Variants in PITPNM1 observed in about 807,000 individuals in gnomAD.
The protein encoded by PITPNM1 is phosphatidylinositol transfer protein membrane associated 1, also known as membrane-associated phosphatidylinositol transfer protein 1.
Under a neutral mutation model 133.3 loss-of-function variants are expected in PITPNM1, and 74 were observed. That is an observed-to-expected ratio of 0.56 (90% confidence interval 0.46 to 0.67). PITPNM1 has a LOEUF of 0.67. PITPNM1 is among the 30% of genes least tolerant of loss of function. The pLI is 0.00. For synonymous variants in PITPNM1, 738 were observed against 741.4 expected (o/e 1.00, Z 0.08); for missense variants, 1,398 against 1,739.5 (o/e 0.80, Z 3.49).
Position 67,502,596 on chromosome 11 carries a change from G to A in PITPNM1, c.201C>T (p.Ser67=), listed in dbSNP as rs1456922024. Residue 67 remains serine, a synonymous_variant, in exon 3 of 24, where the codon TCC becomes TCT. Coordinates refer to ENST00000356404, the MANE Select transcript of PITPNM1 (RefSeq NM_004910.3). This position sits in a 1 kb window ranked among gnomAD's most constrained non-coding sequence, Gnocchi z 5.9. ...QYTHKVYHVG[S]HIPGWFRALL... ...GTGCCCGGAACCAGCCTGGGATGTG[G>A]GAGCCCACGTGGTACACCTTGTGTG... 2.5e-6 allele frequency: 4 copies of A among 1,613,596 alleles called. No individual in the cohort carries two copies. Among genetic ancestry groups the A allele is most frequent in the Admixed American group, 1.7e-5 (1 of 60,032 alleles).
At chr11:67,500,073 C>T (rs1004619579) in intron 6 of PITPNM1, 22 bp downstream of exon 6, 2 of 1,601,000 alleles carry the variant, frequency 1.2e-6, no homozygotes, top group Non-Finnish European at 1.7e-6. Context: ...CCGTTCCTCC[C>T]ATCCCTGTGC....
rs1565196013 is a variant in PITPNM1 at position 67,502,000 on chromosome 11, C to T, written c.502G>A (p.Gly168Ser). ...CAGTCATCAGACAGTGGCCCTCGGC[C>T]CGTCTTGACCGAGTGATAAAGCCGG... Reference protein sequence around the residue: ...DPRLYHSVKTGRGPLSDDWAR... With the variant: ...DPRLYHSVKTSRGPLSDDWAR... The change falls in exon 5 of 24, where the codon GGC becomes AGC. Residue 168 changes from glycine (G) to serine (S), a missense_variant. Gly to Ser is a moderately conservative substitution (Grantham distance 56, BLOSUM62 0). Transcript: ENST00000356404. 4 of 1,613,472 alleles carry T rather than the reference C, an allele frequency of 2.5e-6. No homozygotes were observed. The highest frequency in any genetic ancestry group is 3.4e-6 in the Non-Finnish European group (4 of 1,180,014).
intron 12 of PITPNM1, 76 bp from the exon 13 acceptor site, chr11:67,497,755 G>C: frequency 1.9e-6 from 3 of 1,572,100 alleles, no homozygotes; most frequent in Non-Finnish European, 1.7e-6. Flanking sequence ...AGTGAGGAGC[G>C]AGGCTTGGGG....
chr11:67,498,512 G>T lies in PITPNM1; in HGVS notation c.1484+84C>A. On this transcript the variant is annotated intron_variant, in intron 10 of 23. Transcript: ENST00000356404. This position sits in a 1 kb window ranked among gnomAD's most constrained non-coding sequence, Gnocchi z 5.7. ...ATGCCAGTGACCGACCCAGGTGTCT[G>T]GCTTCCTGACCCCTTCCCCGCTCCC... 1.3e-6 allele frequency: 2 copies of T among 1,538,416 alleles called. No homozygotes were observed. Among genetic ancestry groups the T allele is most frequent in the South Asian group, 2.4e-5 (2 of 82,262 alleles).
chr11:67,499,869 C>A, intron 7 of PITPNM1, 39 bp from the exon 8 acceptor site: 1 of 1,592,254 alleles, frequency 6.3e-7, no homozygotes. Context: ...GTGGGAGGAG[C>A]TGCTCGGGGA....
chr11:67,502,789 G>A lies in PITPNM1; in HGVS notation c.79-71C>T. 1 of 1,492,014 alleles carries A rather than the reference G, an allele frequency of 6.7e-7. No individual in the cohort carries two copies. Among genetic ancestry groups the A allele is most frequent in the South Asian group, 1.1e-5 (1 of 87,480 alleles). 92.4% of individuals were successfully genotyped at this position (1,492,014 alleles called of 1,614,324 possible). ...GCATCTGGGATCCCCAGCTCAGCCT[G>A]GTGTTCTACACAGCTCTGGGGCCCT... On this transcript the variant is annotated intron_variant, in intron 2 of 23. Coordinates refer to ENST00000356404, the MANE Select transcript of PITPNM1 (RefSeq NM_004910.3). This position sits in a 1 kb window ranked among gnomAD's most constrained non-coding sequence, Gnocchi z 5.9.
rs771454063 is a variant in PITPNM1, at chr11:67,498,192, T to G, written c.1615A>C (p.Thr539Pro). The G allele has an allele frequency of 6.2e-7, 1 of 1,613,098 alleles. No individual in the cohort carries two copies. Reference sequence around the variant, plus strand: ...AGGAAGGCTGAGTAGGCCTGGTTGGTGCGGGCAATGACGGTGGCCACGGCG... The same window carrying G: ...AGGAAGGCTGAGTAGGCCTGGTTGGGGCGGGCAATGACGGTGGCCACGGCG... ...QGAVATVIAR[T>P]NQAYSAFLRS... Residue 539 changes from threonine to proline, a missense_variant, in exon 11 of 24, where the codon ACC becomes CCC. This residue lies in a region of PITPNM1 where 574 missense variants were observed against 698.7 expected (regional missense o/e 0.82). Coordinates refer to ENST00000356404, the MANE Select transcript of PITPNM1 (RefSeq NM_004910.3). This position sits in a 1 kb window ranked among gnomAD's most constrained non-coding sequence, Gnocchi z 5.7.
intron 23 of PITPNM1, among the ~76,000 whole-genome samples, 190 bp from the exon 24 acceptor site, chr11:67,492,486 T>C (rs948414484): frequency 5.3e-5 from 8 of 152,236 alleles, no homozygotes; most frequent in Admixed American, 4.6e-4. Flanking sequence ...TGCTCCTAGC[T>C]CTGCCCTTCT....
In PITPNM1 at chr11:67,492,384, G is replaced by C. The variant is rs924547867; in HGVS notation, c.3472-88C>G. ...CGGTCCTCCAGAGGCACCTGAGGCAGGCTGGGGGACTGGTGGCAGGCTTGG... is the reference window on the plus strand; with the variant it reads ...CGGTCCTCCAGAGGCACCTGAGGCACGCTGGGGGACTGGTGGCAGGCTTGG... On this transcript the variant is annotated intron_variant, in intron 23 of 23. Coordinates refer to ENST00000356404, the MANE Select transcript of PITPNM1 (RefSeq NM_004910.3). The C allele has an allele frequency of 1.1e-5, 15 of 1,344,728 alleles. No homozygotes were observed. The African/African-American group carries it at 1.9e-4, about 17-fold the overall frequency. 83.3% of individuals were successfully genotyped at this position (1,344,728 alleles called of 1,614,324 possible).
In PITPNM1 at chr11:67,499,116, C is replaced by T. The variant is rs908832648; in HGVS notation, c.1172-115G>A. 2.0e-5 allele frequency: 19 copies of T among 941,666 alleles called. No homozygotes were observed. In the African/African-American group the frequency reaches 2.6e-4, roughly 13 times the overall value. 58.3% of individuals were successfully genotyped at this position (941,666 alleles called of 1,614,324 possible). A position where few individuals can be genotyped will look rare whatever the true frequency, so the allele number is the denominator to read the frequency against. Reference sequence around the variant, plus strand: ...CCTGAGGCCCCCAGTCCCTACCTTCCTCCAAACTTCTCCTCCCACCAACTC... The same window carrying T: ...CCTGAGGCCCCCAGTCCCTACCTTCTTCCAAACTTCTCCTCCCACCAACTC... On this transcript the variant is annotated intron_variant, in intron 8 of 23. Coordinates refer to ENST00000356404, the MANE Select transcript of PITPNM1 (RefSeq NM_004910.3).
rs377079742 is a variant in PITPNM1 at position 67,498,744 on chromosome 11, C to A, written c.1336G>T (p.Ala446Ser). 1 of 1,610,996 alleles carries A rather than the reference C, an allele frequency of 6.2e-7. No individual in the cohort carries two copies. The highest frequency in any genetic ancestry group is 8.5e-7 in the Non-Finnish European group (1 of 1,179,982). The change falls in exon 10 of 24, where the codon GCC becomes TCC. Residue 446 changes from alanine to serine, a missense_variant. Physicochemically the swap from Ala to Ser is moderately conservative, Grantham distance 99. Transcript: ENST00000356404. The surrounding 1 kb of genome is among the most constrained non-coding windows in gnomAD (Gnocchi z 5.7). The part of the protein sequence containing the change: ...GNILDSGPGD[A>S]NSKQADVQTL... ...TGCACATCCGCCTGCTTGGAGTTGG[C>A]GTCTCCAGGGCCTGAGTCCAGGATG...
rs2134275074 is a variant in PITPNM1, at chr11:67,494,270, C to G, written c.2833G>C (p.Asp945His). 1 of 1,612,724 alleles carries G rather than the reference C, an allele frequency of 6.2e-7. No individual in the cohort carries two copies. The highest frequency in any genetic ancestry group is 1.1e-5 in the South Asian group (1 of 91,080). ...TTCTCTCCAGTGAGCGTGACGACGT[C>G]CAGGGGCCCGTACATGAAGCGCCCG... is the stretch of plus-strand genomic sequence containing the variant. ...LSGRFMYGPL[D>H]VVTLTGEKVD... The change falls in exon 19 of 24, where the codon GAC (aspartate) becomes CAC (histidine). Residue 945 changes from aspartate to histidine, a missense_variant. Around this residue, in one of 5 missense-constraint regions of PITPNM1, gnomAD observed 233 missense variants for 378.0 expected, o/e 0.62. Transcript: ENST00000356404.
In PITPNM1 at chr11:67,504,641, C is replaced by A. The variant is rs1866441128; in HGVS notation, c.-41-420G>T. The A allele has an allele frequency of 6.6e-6, 1 of 152,226 alleles. No homozygotes were observed. Among genetic ancestry groups the A allele is most frequent in the Non-Finnish European group, 1.5e-5 (1 of 68,058 alleles). The allele number at this position is 152,226 out of a possible 1,614,324, so 9.4% of individuals were successfully genotyped here. A position where few individuals can be genotyped will look rare whatever the true frequency, so the allele number is the denominator to read the frequency against. On this transcript the variant is annotated intron_variant, in intron 1 of 23. Transcript: ENST00000356404. This position sits in a 1 kb window ranked among gnomAD's most constrained non-coding sequence, Gnocchi z 5.4. The stretch of plus-strand genomic sequence containing the variant: ...CGCGACCGGCCCCTCGGGGACCCGC[C>A]CCTTGCATCCCCTTCCCGGAGTCGG...
In PITPNM1 at chr11:67,495,232, G is replaced by C. The variant is rs758381393; in HGVS notation, c.2483-7C>G. On this transcript the variant is annotated splice_region_variant and splice_polypyrimidine_tract_variant and intron_variant, in intron 16 of 23. Coordinates refer to ENST00000356404, the MANE Select transcript of PITPNM1 (RefSeq NM_004910.3). ...CCCCACCAGCGCTCCAGGACTGCGC[G>C]GCCATGGCAGCGAGTCAGGATGGCC... 3 of 1,577,038 alleles carry C rather than the reference G, an allele frequency of 1.9e-6. No individual in the cohort carries two copies. Among genetic ancestry groups the C allele is most frequent in the Non-Finnish European group, 2.6e-6 (3 of 1,157,354 alleles).
intron 23 of PITPNM1, 23 bp downstream of exon 23, chr11:67,492,910 TC>T (rs1244509567): frequency 1.2e-6 from 2 of 1,608,646 alleles, no homozygotes; most frequent in Admixed American, 1.7e-5. Context: ...GGGGTCCTGT[TC>T]CTGGCCTTCA....
rs1261141415 is a variant in PITPNM1 at position 67,504,540 on chromosome 11, G to A, written c.-41-319C>T. ...ACCTCACCTCTCCCGCTGCGACCGC[G>A]TCCTAACCCCGGGAAACGGCATCCC... On this transcript the variant is annotated intron_variant, in intron 1 of 23. Coordinates refer to ENST00000356404, the MANE Select transcript of PITPNM1 (RefSeq NM_004910.3). The surrounding 1 kb of genome is among the most constrained non-coding windows in gnomAD (Gnocchi z 5.4). 1 of 152,008 alleles carries A rather than the reference G, an allele frequency of 6.6e-6. No individual in the cohort carries two copies. Among genetic ancestry groups the A allele is most frequent in the Non-Finnish European group, 1.5e-5 (1 of 67,984 alleles). 9.4% of individuals were successfully genotyped at this position (152,008 alleles called of 1,614,324 possible). A position where few individuals can be genotyped will look rare whatever the true frequency, so the allele number is the denominator to read the frequency against.
Position 67,491,929 on chromosome 11 carries a change from GCCAGCGCTGGGGCCAAAAGTCTGGGTCC to G in PITPNM1, c.*76_*103del, listed in dbSNP as rs1470827834. ...AGATATAGGGTGTGGGGCTGGGGGGGCCAGCGCTGGGGCCAAAAGTCTGGGTCCCCAGCCTCCCACACGCAGCCCCTCG... is the reference window on the plus strand; with the variant it reads ...AGATATAGGGTGTGGGGCTGGGGGGGCCAGCCTCCCACACGCAGCCCCTCG... On this transcript the variant is annotated 3_prime_UTR_variant, in exon 24 of 24. Transcript: ENST00000356404. The G allele has an allele frequency of 2.3e-6, 3 of 1,300,668 alleles. No individual in the cohort carries two copies. The highest frequency in any genetic ancestry group is 3.2e-6 in the Non-Finnish European group (3 of 943,498). The allele number at this position is 1,300,668 out of a possible 1,614,324, so 80.6% of individuals were successfully genotyped here. A position where few individuals can be genotyped will look rare whatever the true frequency, so the allele number is the denominator to read the frequency against.
Position 67,493,525 on chromosome 11 carries a change from A to T in PITPNM1, c.3227T>A (p.Val1076Glu). The change falls in exon 22 of 24, where the codon GTG becomes GAG. Residue 1076 changes from valine to glutamate, a missense_variant. Transcript: ENST00000356404. ...GTTGTGCTGCGACAGCCATGCCACC[A>T]CGCGGTGCTTCTGCATATCCGGCCG... ...TGRPDMQKHR[V>E]VAWLSQHNFP... The T allele has an allele frequency of 1.3e-6, 2 of 1,587,874 alleles. No individual in the cohort carries two copies. Among genetic ancestry groups the T allele is most frequent in the Non-Finnish European group, 1.7e-6 (2 of 1,167,472 alleles).
Position 67,502,241 on chromosome 11 carries a change from G to T in PITPNM1, c.415+51C>A. Reference sequence around the variant, plus strand: ...TTCTCAGAGGCTGCCCACTGAGGCAGCCAGGAGCCTGAGAGGGGCGCCAGG... The same window carrying T: ...TTCTCAGAGGCTGCCCACTGAGGCATCCAGGAGCCTGAGAGGGGCGCCAGG... On this transcript the variant is annotated intron_variant, in intron 4 of 23. Transcript: ENST00000356404. The surrounding 1 kb of genome is among the most constrained non-coding windows in gnomAD (Gnocchi z 5.9). The T allele has an allele frequency of 6.3e-7, 1 of 1,597,208 alleles. No individual in the cohort carries two copies. The highest frequency in any genetic ancestry group is 8.5e-7 in the Non-Finnish European group (1 of 1,172,140).
Sources: gnomAD v4.1 joint callset for allele counts (sites outside exome capture counted in the v4.1 genomes callset) on GRCh38, gnomAD v4.1.1 for gene constraint, gnomAD v4.1.1 regional missense constraint, Gnocchi (gnomAD v3.1) non-coding constraint, MANE v1.5 for transcripts, NCBI Gene and HGNC (gene_info 2026-07-23, HGNC 2026-07-21) for gene names.